NEDD9: variants seen among roughly 807,000 people sequenced by gnomAD.
NEDD9 encodes the protein enhancer of filamentation 1.
A neutral mutation model predicts 76.6 loss-of-function variants in NEDD9; 26 were observed. The ratio of observed to expected loss-of-function variants is 0.34; its 90% CI spans 0.25 to 0.47. The LOEUF is 0.47. NEDD9 is among the 20% of genes least tolerant of loss of function. The probability of loss-of-function intolerance (pLI) is 1.00; values close to 1 mark genes in which losing one functional copy is unlikely to be tolerated. For missense variants in NEDD9, 937 were observed against 1,058.5 expected (o/e 0.89, Z 1.59); for synonymous variants, 392 against 414.2 (o/e 0.95, Z 0.65).
chr6:11,337,630 C>G (rs1163175280), intron 1 of NEDD9, among the ~76,000 whole-genome samples: 1 of 152,174 alleles, frequency 6.6e-6, no homozygotes, highest in Non-Finnish European at 1.5e-5. Context: ...TTTTATGTGT[C>G]TTTTCTCCAC....
At chr6:11,233,389 G>T, upstream of NEDD9, 5 of 518,964 alleles carry the variant, frequency 9.6e-6, no homozygotes, top group South Asian at 7.0e-5. Context: ...ACCTTCAGTG[G>T]CTTTGCTGAG....
chr6:11,288,245 G>T (rs1760691260), intron 3 of NEDD9, among the ~76,000 whole-genome samples: 2 of 152,250 alleles, frequency 1.3e-5, no homozygotes, highest in South Asian at 4.1e-4. Flanking sequence ...CCAGCTGCAT[G>T]CCGAGGGTGG....
At chr6:11,375,022 G>A (rs1489643839) in intron 1 of NEDD9, among the ~76,000 whole-genome samples, 2 of 152,100 alleles carry the variant, frequency 1.3e-5, no homozygotes, top group South Asian at 2.1e-4. Flanking sequence ...TCTAACTTGA[G>A]GCAAAATTTT....
chr6:11,201,512 C>T (rs1035500048), intron 2 of NEDD9, among the ~76,000 whole-genome samples: 7 of 152,106 alleles, frequency 4.6e-5, no homozygotes, highest in African/African-American at 1.4e-4. Context: ...AGTAAAAAAA[C>T]GAAGCAGAAA....
chr6:11,304,485 T>C (rs1761128698), intron 3 of NEDD9, among the ~76,000 whole-genome samples: 1 of 152,214 alleles, frequency 6.6e-6, no homozygotes, highest in African/African-American at 2.4e-5. Flanking sequence ...TAAATCATGC[T>C]ACTATAAGGA....
chr6:11,326,494 C>T (rs1356661606), intron 2 of NEDD9, among the ~76,000 whole-genome samples: 1 of 152,204 alleles, frequency 6.6e-6, no homozygotes, highest in Non-Finnish European at 1.5e-5. Context: ...TCATGCTTAA[C>T]TTTTATTGTT....
intron 3 of NEDD9, among the ~76,000 whole-genome samples, chr6:11,288,183 A>G (rs1240118303): frequency 1.3e-5 from 2 of 152,194 alleles, no homozygotes; most frequent in African/African-American, 4.8e-5. Flanking sequence ...CTGCAGTTCA[A>G]GTGGCGTATG....
intron 1 of NEDD9, among the ~76,000 whole-genome samples, chr6:11,355,894 G>T (rs951326740): frequency 6.7e-6 from 1 of 149,878 alleles, no homozygotes; most frequent in African/African-American, 2.5e-5. Context: ...CTAATTTTTT[G>T]TATTTTTTAG....
At chr6:11,293,888 A>G (rs1760831445) in intron 3 of NEDD9, among the ~76,000 whole-genome samples, 1 of 151,988 alleles carries the variant, frequency 6.6e-6, no homozygotes, top group African/African-American at 2.4e-5. Flanking sequence ...ATCATGTAGT[A>G]TTTGTCTTTC....
intron 1 of NEDD9, among the ~76,000 whole-genome samples, chr6:11,366,808 T>C (rs1370662026): frequency 6.7e-6 from 1 of 149,776 alleles, no homozygotes; most frequent in East Asian, 2.0e-4. Context: ...GTGAGTTACG[T>C]CATCTTTCCC....
chr6:11,328,909 G>A (rs1009737384), intron 2 of NEDD9: 1 of 152,256 alleles, frequency 6.6e-6, no homozygotes, highest in African/African-American at 2.4e-5. Context: ...GACCCACAAA[G>A]GAGGCCAGGA....
intron 4 of NEDD9, 74 bp downstream of exon 4, chr6:11,192,270 CT>C: frequency 6.3e-6 from 2 of 316,132 alleles, no homozygotes; most frequent in Non-Finnish European, 5.7e-6. Context: ...CTTACCCACC[CT>C]CCCAACCCTG....
intron 1 of NEDD9, among the ~76,000 whole-genome samples, chr6:11,369,270 G>C (rs1338661655): frequency 6.6e-6 from 1 of 152,108 alleles, no homozygotes; most frequent in Admixed American, 6.5e-5. Flanking sequence ...ACATTGCTTA[G>C]AACTTTTTTT....
chr6:11,350,886 C>T (rs778516049), intron 1 of NEDD9, among the ~76,000 whole-genome samples: 12 of 152,248 alleles, frequency 7.9e-5, no homozygotes, highest in Non-Finnish European at 1.6e-4. Flanking sequence ...GTCAGAAAGG[C>T]GTCTTGACAG....
At position 11,241,185 on chromosome 6, in the gene NEDD9, G is replaced by T. The variant is rs1759701714; in HGVS notation, c.13-27458C>A. ...GAGTGGCCGTCTCCTCTTTCCGGAGGCACTGCCCAAACACAATCATCTTGG... is the reference window on the plus strand; with the variant it reads ...GAGTGGCCGTCTCCTCTTTCCGGAGTCACTGCCCAAACACAATCATCTTGG... On this transcript the variant is annotated intron_variant, in intron 3 of 3. Transcript: ENST00000397378. This position sits in a 1 kb window ranked among gnomAD's most constrained non-coding sequence, Gnocchi z 4.0. Among the ~76,000 whole-genome samples the T allele has an allele frequency of 6.6e-6, 1 of 152,174 alleles. No individual in the cohort carries two copies. The highest frequency in any genetic ancestry group is 1.5e-5 in the Non-Finnish European group (1 of 68,038).
intron 2 of NEDD9, among the ~76,000 whole-genome samples, chr6:11,324,886 A>G (rs1039999177): frequency 6.6e-6 from 1 of 152,254 alleles, no homozygotes; most frequent in African/African-American, 2.4e-5. Context: ...AGAAACACAT[A>G]TGACCAAGGA....
chr6:11,328,901 C>A (rs1227228406), intron 2 of NEDD9: 3 of 152,236 alleles, frequency 2.0e-5, no homozygotes, highest in Non-Finnish European at 4.4e-5. Flanking sequence ...TCATTGATGA[C>A]CCACAAAGGA....
chr6:11,297,132 GTTT>G (rs199939249), intron 3 of NEDD9, among the ~76,000 whole-genome samples: 1 of 129,298 alleles, frequency 7.7e-6, no homozygotes. Context: ...AATTTGTTTT[GTTT>G]TTTTTTTTTT....
At chr6:11,251,618 C>A (rs1759917789) in intron 3 of NEDD9, 2 of 152,280 alleles carry the variant, frequency 1.3e-5, no homozygotes, top group African/African-American at 2.4e-5. Context: ...TTCCAGCTTT[C>A]CACGTTCCAG....
Sources: gnomAD v4.1 joint callset for allele counts (sites outside exome capture counted in the v4.1 genomes callset) on GRCh38, gnomAD v4.1.1 for gene constraint, Gnocchi (gnomAD v3.1) non-coding constraint, MANE v1.5 for transcripts, NCBI Gene and HGNC (gene_info 2026-07-23, HGNC 2026-07-21) for gene names.